TRAK2: variants seen among roughly 807,000 people sequenced by gnomAD.
The protein encoded by TRAK2 is trafficking kinesin protein 2, also known as trafficking kinesin-binding protein 2.
In TRAK2, 81 loss-of-function variants were observed where a neutral mutation model predicts 104.6. That is an observed-to-expected ratio of 0.77 (90% CI 0.65 to 0.93). The LOEUF (loss-of-function observed/expected upper bound fraction) is 0.93. Among genes scored for constraint, TRAK2 ranks in the 40% least tolerant of loss-of-function variants. TRAK2 has a pLI of 0.00. For synonymous variants in TRAK2, 406 were observed against 394.4 expected, an observed-to-expected ratio of 1.03 and a Z score of -0.35; for missense variants, 1,002 against 1,089.0, an observed-to-expected ratio of 0.92 and a Z score of 1.12.
intron 11 of TRAK2, 146 bp from the exon 12 acceptor site, chr2:201,389,649 G>T: frequency 9.2e-7 from 1 of 1,081,294 alleles, no homozygotes; most frequent in Non-Finnish European, 1.3e-6. Context: ...TCAAACAAGA[G>T]AACTCTCTCA....
At chr2:201,391,505 G>A (rs983943699) in intron 10 of TRAK2, among the ~76,000 whole-genome samples, 3 of 152,158 alleles carry the variant, frequency 2.0e-5, no homozygotes, top group African/African-American at 7.2e-5. Flanking sequence ...AGTTTGATGA[G>A]GAACAGGATA....
At position 201,401,011 on chromosome 2, in the gene TRAK2, T is replaced by C; in HGVS notation, c.363+7A>G. The stretch of plus-strand genomic sequence containing the variant: ...TTTTGTACTGGAGAAAGAAAAGATA[T>C]TCCTACCTCTGCCAGGAGATGTGTA... On this transcript the variant is annotated splice_region_variant and intron_variant, in intron 4 of 15. Coordinates refer to ENST00000332624, the MANE Select transcript of TRAK2 (RefSeq NM_015049.3). The C allele has an allele frequency of 1.2e-6, 2 of 1,607,848 alleles. No homozygotes were observed. The highest frequency in any genetic ancestry group is 1.7e-6 in the Non-Finnish European group (2 of 1,175,688).
At chr2:201,385,032 G>A (rs1003921425) in intron 14 of TRAK2, among the ~76,000 whole-genome samples, 2 of 152,146 alleles carry the variant, frequency 1.3e-5, no homozygotes, top group African/African-American at 4.8e-5. Context: ...TGTTAAAAAT[G>A]AATGAAGTGA....
intron 1 of TRAK2, among the ~76,000 whole-genome samples, chr2:201,441,188 GA>G (rs560101611): frequency 9.8e-5 from 15 of 152,310 alleles, no homozygotes; most frequent in Admixed American, 2.0e-4. Context: ...TGTGCTTTAT[GA>G]AAAAATCTGC....
Position 201,407,555 on chromosome 2 carries a change from C to T in TRAK2, c.134G>A (p.Ser45Asn). The T allele has an allele frequency of 3.7e-6, 6 of 1,613,872 alleles. No homozygotes were observed. The highest frequency in any genetic ancestry group is 5.1e-6 in the Non-Finnish European group (6 of 1,179,960). Residue 45 changes from serine (S) to asparagine (N), a missense_variant, in exon 3 of 16, where the codon AGT becomes AAT. Transcript: ENST00000332624. ...NEDLPEVELV[S>N]LLEEQLPQYR... ...CTGTGGTAGTTGTTCTTCTAGCAGA[C>T]TCACCAGCTCAACTTCAGGGAGATC...
intron 1 of TRAK2, among the ~76,000 whole-genome samples, chr2:201,437,832 C>T (rs1951890285): frequency 6.6e-6 from 1 of 152,158 alleles, no homozygotes; most frequent in Non-Finnish European, 1.5e-5. Flanking sequence ...GGTCCTTATG[C>T]TTCAAATGTC....
intron 2 of TRAK2, among the ~76,000 whole-genome samples, chr2:201,418,342 G>C (rs1951710735): frequency 6.6e-6 from 1 of 152,160 alleles, no homozygotes; most frequent in Non-Finnish European, 1.5e-5. Context: ...ACCACGCCCA[G>C]CTGTTTTTAT....
chr2:201,399,820 T>C lies in TRAK2; in HGVS notation c.364-327A>G, dbSNP rs551653042. Among the ~76,000 whole-genome samples, 6 of 152,176 alleles carry C rather than the reference T, an allele frequency of 3.9e-5. No individual in the cohort carries two copies. The South Asian group carries it at 1.0e-3, about 26-fold the overall frequency. ...ATTTTGGGGAATTGGAAAATCAACA[T>C]AGTCTTTAAAAATGAGGATAGGGTC... On this transcript the variant is annotated intron_variant, in intron 4 of 15. Coordinates refer to ENST00000332624, the MANE Select transcript of TRAK2 (RefSeq NM_015049.3).
chr2:201,406,845 C>CA (rs2125649190), intron 3 of TRAK2, among the ~76,000 whole-genome samples: 1 of 152,266 alleles, frequency 6.6e-6, no homozygotes, highest in East Asian at 1.9e-4. Context: ...TGGTGTAAAA[C>CA]AGACCTATTT....
chr2:201,439,323 G>A (rs1370092401), intron 1 of TRAK2, among the ~76,000 whole-genome samples: 1 of 152,120 alleles, frequency 6.6e-6, no homozygotes. Context: ...TACTCTGAAG[G>A]TGCAAACATT....
intron 1 of TRAK2, among the ~76,000 whole-genome samples, chr2:201,429,266 G>A (rs917365595): frequency 1.3e-5 from 2 of 152,080 alleles, no homozygotes; most frequent in Admixed American, 6.5e-5. Context: ...TGTGGGTAAC[G>A]CAACCTTTCT....
At chr2:201,423,187 G>A (rs1024678559) in intron 1 of TRAK2, among the ~76,000 whole-genome samples, 58 of 151,884 alleles carry the variant, frequency 3.8e-4, no homozygotes, top group Non-Finnish European at 6.6e-4. Context: ...TGATCCTCCT[G>A]CCTCAACTCC....
At chr2:201,438,953 T>C (rs550948062) in intron 1 of TRAK2, among the ~76,000 whole-genome samples, 5 of 152,324 alleles carry the variant, frequency 3.3e-5, no homozygotes, top group Non-Finnish European at 5.9e-5. Flanking sequence ...ATAATACAGA[T>C]GTATTACCAT....
intron 15 of TRAK2, among the ~76,000 whole-genome samples, chr2:201,381,857 T>C (rs1184799985): frequency 6.6e-6 from 1 of 152,234 alleles, no homozygotes; most frequent in Non-Finnish European, 1.5e-5. Flanking sequence ...GGATGAATTT[T>C]TTCTCAACCT....
intron 13 of TRAK2, 140 bp downstream of exon 13, chr2:201,387,563 G>T: frequency 2.4e-6 from 2 of 823,778 alleles, no homozygotes; most frequent in Non-Finnish European, 3.7e-6. Context: ...CTACAGTCTT[G>T]CCACCCAAAC....
At chr2:201,434,256 C>A (rs1421152481) in intron 1 of TRAK2, among the ~76,000 whole-genome samples, 1 of 152,122 alleles carries the variant, frequency 6.6e-6, no homozygotes, top group Non-Finnish European at 1.5e-5. Flanking sequence ...TGCGCCCGGC[C>A]CATAATCATT....
chr2:201,390,011 G>A, intron 10 of TRAK2, 131 bp from the exon 11 acceptor site: 2 of 596,860 alleles, frequency 3.4e-6, no homozygotes, highest in South Asian at 2.7e-5. Context: ...GGGGAAAAAA[G>A]ACATTCTGGA....
chr2:201,400,732 G>A (rs939362673), intron 4 of TRAK2, among the ~76,000 whole-genome samples: 1 of 152,024 alleles, frequency 6.6e-6, no homozygotes, highest in African/African-American at 2.4e-5. Flanking sequence ...GTAACAGCAG[G>A]CATTATTTTA....
At chr2:201,423,102 T>C (rs1951757603) in intron 1 of TRAK2, among the ~76,000 whole-genome samples, 1 of 149,038 alleles carries the variant, frequency 6.7e-6, no homozygotes, top group African/African-American at 2.5e-5. Flanking sequence ...AGTCTTGCTC[T>C]GCTGCTCTGT....
Sources: allele counts gnomAD v4.1 joint callset (sites outside exome capture counted in the v4.1 genomes callset), GRCh38; gene constraint gnomAD v4.1.1; transcripts MANE v1.5; gene names NCBI Gene and HGNC (gene_info 2026-07-23, HGNC 2026-07-21).